MRPS6: variants seen among roughly 807,000 people sequenced by gnomAD.
MRPS6 encodes the protein small ribosomal subunit protein bS6m.
In MRPS6, 6 loss-of-function variants were observed where a neutral mutation model predicts 13.1. The ratio of observed to expected loss-of-function variants is 0.46; its 90% CI spans 0.25 to 0.91. MRPS6 has a LOEUF of 0.91. Among genes scored for constraint, MRPS6 ranks in the 40% least tolerant of loss-of-function variants. The pLI is 0.18. For synonymous variants in MRPS6, 61 were observed against 56.5 expected, an observed-to-expected ratio of 1.08 and a Z score of -0.36; for missense variants, 164 against 155.6, an observed-to-expected ratio of 1.05 and a Z score of -0.29.
At chr21:34,091,090 A>AT (rs1467003237) in intron 1 of MRPS6, among the ~76,000 whole-genome samples, 1 of 152,136 alleles carries the variant, frequency 6.6e-6, no homozygotes, top group East Asian at 1.9e-4. Context: ...CTAAGTGAAT[A>AT]TTTTTCATTT....
In MRPS6 at chr21:34,096,857, G is replaced by A; in HGVS notation, c.45+23112G>A. The A allele has an allele frequency of 6.2e-7, 1 of 1,614,078 alleles. No homozygotes were observed. The highest frequency in any genetic ancestry group is 8.5e-7 in the Non-Finnish European group (1 of 1,179,988). On this transcript the variant is annotated intron_variant, in intron 1 of 2. Transcript: ENST00000399312. The surrounding 1 kb of genome is among the most constrained non-coding windows in gnomAD (Gnocchi z 5.9). The stretch of plus-strand genomic sequence containing the variant: ...CCTTTTGGTCTAAGAAGAACCTGGT[G>A]GTGAAGGAGAACTGCTCCCCAAAAG...
In MRPS6 at chr21:34,096,042, A is replaced by G. The variant is rs1464724971; in HGVS notation, c.45+22297A>G. ...ATGGTACTGGTGTGCTGACCAAGTC[A>G]TCGTGCAGAGGGTCCTTGCAGCCAA... On this transcript the variant is annotated intron_variant, in intron 1 of 2. Coordinates refer to ENST00000399312, the MANE Select transcript of MRPS6 (RefSeq NM_032476.4). This position sits in a 1 kb window ranked among gnomAD's most constrained non-coding sequence, Gnocchi z 5.9. The G allele has an allele frequency of 2.5e-6, 4 of 1,614,020 alleles. No homozygotes were observed. Among genetic ancestry groups the G allele is most frequent in the Admixed American group, 1.7e-5 (1 of 59,990 alleles).
Position 34,082,619 on chromosome 21 carries a change from G to C in MRPS6, c.45+8874G>C, listed in dbSNP as rs530132680. ...ATAGTATTACCATGAAAAAAATTCA[G>C]GTGCTCTCTTGGTAAAGATTATAGA... On this transcript the variant is annotated intron_variant, in intron 1 of 2. Coordinates refer to ENST00000399312, the MANE Select transcript of MRPS6 (RefSeq NM_032476.4). Among the ~76,000 whole-genome samples the C allele has an allele frequency of 1.2e-4, 19 of 152,186 alleles. No homozygotes were observed. In the East Asian group the frequency reaches 3.7e-3, roughly 29 times the overall value.
rs918703604 is a variant in MRPS6 at position 34,081,523 on chromosome 21, G to A, written c.45+7778G>A. On this transcript the variant is annotated intron_variant, in intron 1 of 2. Coordinates refer to ENST00000399312, the MANE Select transcript of MRPS6 (RefSeq NM_032476.4). ...TGTAAGATCTGAAATGAAGATACTG[G>A]ATGTGTTACCATAGAATAAACAAAG... Among the ~76,000 whole-genome samples, 3 of 152,156 alleles carry A rather than the reference G, an allele frequency of 2.0e-5. No homozygotes were observed. In the East Asian group the frequency reaches 5.8e-4, roughly 29 times the overall value.
intron 1 of MRPS6, among the ~76,000 whole-genome samples, chr21:34,092,686 G>A (rs1441765143): frequency 6.6e-6 from 1 of 152,204 alleles, no homozygotes; most frequent in African/African-American, 2.4e-5. Context: ...TTGAGGAAGT[G>A]CTTGTTTTCT....
chr21:34,083,304 G>A (rs1340639835), intron 1 of MRPS6, among the ~76,000 whole-genome samples: 2 of 152,182 alleles, frequency 1.3e-5, no homozygotes, highest in African/African-American at 2.4e-5. Flanking sequence ...CTTTGCTTCC[G>A]TTAGAAAGGT....
intron 1 of MRPS6, among the ~76,000 whole-genome samples, chr21:34,089,389 A>G (rs935183308): frequency 6.6e-6 from 1 of 151,720 alleles, no homozygotes; most frequent in Non-Finnish European, 1.5e-5. Context: ...GTGATCTAGT[A>G]TCATTCACAT....
chr21:34,094,281 T>C (rs532816355), intron 1 of MRPS6, among the ~76,000 whole-genome samples: 6 of 152,298 alleles, frequency 3.9e-5, no homozygotes, highest in Admixed American at 3.9e-4. Context: ...TATATCCATT[T>C]ACTGGAGTTT....
At chr21:34,105,764 G>T (rs9984245) in intron 1 of MRPS6, 168,971 of 995,520 alleles carry the variant, frequency 0.17, 15,498 homozygotes, top group Non-Finnish European at 0.18. Flanking sequence ...TTTAAGGTTT[G>T]ACTAATTGTA....
intron 2 of MRPS6, among the ~76,000 whole-genome samples, chr21:34,133,056 G>T (rs1206239970): frequency 6.6e-6 from 1 of 152,170 alleles, no homozygotes; most frequent in Non-Finnish European, 1.5e-5. Flanking sequence ...CCAACACTCG[G>T]CACCACTTTC....
intron 1 of MRPS6, chr21:34,103,125 C>T: frequency 2.0e-6 from 2 of 999,988 alleles, no homozygotes; most frequent in Non-Finnish European, 2.4e-6. Context: ...ATTGCTATTG[C>T]AGAAATCCCA....
intron 1 of MRPS6, among the ~76,000 whole-genome samples, chr21:34,089,399 T>A (rs893760126): frequency 6.6e-6 from 1 of 151,780 alleles, no homozygotes; most frequent in Non-Finnish European, 1.5e-5. Context: ...ATCATTCACA[T>A]AAAAGTTAAA....
intron 2 of MRPS6, among the ~76,000 whole-genome samples, chr21:34,131,583 T>A (rs975240500): frequency 8.5e-5 from 13 of 152,172 alleles, no homozygotes; most frequent in Admixed American, 2.0e-4. Flanking sequence ...AGGTCTCTTG[T>A]GGACCTGTGC....
At chr21:34,095,056 A>G in intron 1 of MRPS6, 2 of 971,752 alleles carry the variant, frequency 2.1e-6, no homozygotes, top group Non-Finnish European at 2.7e-6. Context: ...ACAGCAAACC[A>G]AAGGACAAAG....
chr21:34,106,714 A>G (rs1433776392), intron 1 of MRPS6, among the ~76,000 whole-genome samples: 1 of 152,194 alleles, frequency 6.6e-6, no homozygotes, highest in Non-Finnish European at 1.5e-5. Flanking sequence ...CTTTGCGTGT[A>G]TATTTCTTAA....
At chr21:34,124,642 G>A (rs1213774670) in intron 1 of MRPS6, 1 of 151,810 alleles carries the variant, frequency 6.6e-6, no homozygotes, top group Non-Finnish European at 1.5e-5. Flanking sequence ...TTGTACCTCC[G>A]GTCATCATTT....
At chr21:34,108,529 A>T (rs985600223) in intron 1 of MRPS6, among the ~76,000 whole-genome samples, 1 of 152,200 alleles carries the variant, frequency 6.6e-6, no homozygotes, top group Non-Finnish European at 1.5e-5. Flanking sequence ...CTAACTGTGC[A>T]CATCTACAGA....
In MRPS6 at chr21:34,112,938, C is replaced by G. The variant is rs529736514; in HGVS notation, c.46-12403C>G. ...TTGGGAGGCTGAGGTGGGTGGATCG[C>G]TTGACGTCAGGAGTTTGAGACCAGG... On this transcript the variant is annotated intron_variant, in intron 1 of 2. Coordinates refer to ENST00000399312, the MANE Select transcript of MRPS6 (RefSeq NM_032476.4). Among the ~76,000 whole-genome samples, 5 of 152,228 alleles carry G rather than the reference C, an allele frequency of 3.3e-5. No individual in the cohort carries two copies. In the South Asian group the frequency reaches 1.0e-3, roughly 32 times the overall value.
intron 1 of MRPS6, among the ~76,000 whole-genome samples, chr21:34,087,634 A>AG (rs1432594710): frequency 2.0e-5 from 3 of 152,206 alleles, no homozygotes; most frequent in African/African-American, 7.2e-5. Flanking sequence ...AAAGGAGAGG[A>AG]GACAGGTCTT....
Sources: allele counts gnomAD v4.1 joint callset (sites outside exome capture counted in the v4.1 genomes callset), GRCh38; gene constraint gnomAD v4.1.1; non-coding constraint Gnocchi (gnomAD v3.1); transcripts MANE v1.5; gene names NCBI Gene and HGNC (gene_info 2026-07-23, HGNC 2026-07-21).